CAPN13: variants seen among roughly 807,000 people sequenced by gnomAD.
CAPN13 encodes the protein calpain-13.
CAPN13 carries 90 observed loss-of-function variants against 98.4 expected under a neutral mutation model. The ratio of observed to expected loss-of-function variants is 0.92; its 90% CI spans 0.77 to 1.09. CAPN13 has a LOEUF of 1.09. Among genes scored for constraint, CAPN13 ranks in the 50% least tolerant of loss-of-function variants. The probability of loss-of-function intolerance (pLI) is 0.00; values close to 1 mark genes in which losing one functional copy is unlikely to be tolerated. For synonymous variants in CAPN13, 330 were observed against 305.5 expected, an observed-to-expected ratio of 1.08 and a Z score of -0.84; for missense variants, 887 against 841.3, an observed-to-expected ratio of 1.05 and a Z score of -0.67.
intron 17 of CAPN13, chr2:30,738,006 C>CACA: frequency 7.4e-6 from 4 of 539,178 alleles, no homozygotes; most frequent in Non-Finnish European, 1.0e-5. Flanking sequence ...CACACACACA[C>CACA]CCCAGTACAC....
chr2:30,738,216 G>T lies in CAPN13; in HGVS notation c.1653+19C>A. ...CTGAGGGGTGCTCAGAGCATGGGAG[G>T]GATGACCGCAAAGGATACTTCCATC... On this transcript the variant is annotated intron_variant, in intron 17 of 22. Coordinates refer to ENST00000295055, the MANE Select transcript of CAPN13 (RefSeq NM_144575.3). The T allele has an allele frequency of 1.2e-6, 2 of 1,613,768 alleles. No individual in the cohort carries two copies. Among genetic ancestry groups the T allele is most frequent in the Non-Finnish European group, 1.7e-6 (2 of 1,179,770 alleles).
intron 14 of CAPN13, 149 bp downstream of exon 14, chr2:30,742,176 AC>A: frequency 9.4e-7 from 1 of 1,066,202 alleles, no homozygotes; most frequent in Non-Finnish European, 1.4e-6. Flanking sequence ...TTCTCCCCCT[AC>A]CCCGCCCCTT....
chr2:30,755,705 T>C (rs1672408799), intron 8 of CAPN13, among the ~76,000 whole-genome samples: 1 of 152,192 alleles, frequency 6.6e-6, no homozygotes, highest in African/African-American at 2.4e-5. Flanking sequence ...GTCCCCTCTG[T>C]GCTAGGACAG....
intron 18 of CAPN13, 125 bp from the exon 19 acceptor site, chr2:30,734,649 G>C (rs984298471): frequency 4.1e-6 from 3 of 737,304 alleles, no homozygotes; most frequent in African/African-American, 3.5e-5. Context: ...CTGAGGACTG[G>C]GAGGACACAG....
chr2:30,757,763 C>T (rs541494506), intron 8 of CAPN13, among the ~76,000 whole-genome samples: 1 of 152,332 alleles, frequency 6.6e-6, no homozygotes, highest in South Asian at 2.1e-4. Context: ...TAGACTGTAA[C>T]CTTCTGGAGG....
chr2:30,795,248 A>G (rs552036276), intron 1 of CAPN13, among the ~76,000 whole-genome samples: 1 of 152,162 alleles, frequency 6.6e-6, no homozygotes, highest in African/African-American at 2.4e-5. Context: ...GTATCTCCTG[A>G]TAAACATGCA....
rs2609915 is a variant in CAPN13, at chr2:30,740,315, G to A, written c.1536+1593C>T. Among the ~76,000 whole-genome samples, 280 of 152,124 alleles carry A rather than the reference G, an allele frequency of 1.8e-3. 2 individuals are homozygous for A. Among genetic ancestry groups the A allele is most frequent in the African/African-American group, 6.5e-3 (268 of 41,510 alleles). ...TCACCATGCTGGCCAGGCTGGTCTC[G>A]AATTCCTGACCTCCCGATCCACCTG... is the stretch of plus-strand genomic sequence containing the variant. On this transcript the variant is annotated intron_variant, in intron 15 of 22. Transcript: ENST00000295055.
chr2:30,775,682 G>A (rs527544129), intron 4 of CAPN13, among the ~76,000 whole-genome samples: 8 of 152,288 alleles, frequency 5.3e-5, no homozygotes, highest in South Asian at 4.1e-4. Flanking sequence ...CAGGGTTCTC[G>A]ATCAGTGACT....
intron 4 of CAPN13, among the ~76,000 whole-genome samples, chr2:30,774,611 C>T (rs118190154): frequency 2.6e-5 from 4 of 152,078 alleles, no homozygotes; most frequent in East Asian, 3.9e-4. Context: ...GAATTAACTT[C>T]GGTAGAAATA....
chr2:30,771,934 CTT>C (rs968596348), intron 4 of CAPN13, among the ~76,000 whole-genome samples: 4 of 152,220 alleles, frequency 2.6e-5, no homozygotes, highest in African/African-American at 9.7e-5. Flanking sequence ...AGTAGAGACT[CTT>C]TGTCAGTGGC....
At chr2:30,743,899 T>A (rs1434393879) in intron 12 of CAPN13, among the ~76,000 whole-genome samples, 1 of 152,220 alleles carries the variant, frequency 6.6e-6, no homozygotes, top group African/African-American at 2.4e-5. Flanking sequence ...ACTAGTGACA[T>A]CATTTTGACA....
chr2:30,759,822 C>A (rs567395787), intron 7 of CAPN13, among the ~76,000 whole-genome samples: 7 of 152,282 alleles, frequency 4.6e-5, no homozygotes, highest in Admixed American at 4.6e-4. Flanking sequence ...TTGGCCTCGA[C>A]TGTGACCCTT....
intron 2 of CAPN13, among the ~76,000 whole-genome samples, chr2:30,784,594 T>C (rs1674162318): frequency 6.6e-6 from 1 of 152,180 alleles, no homozygotes; most frequent in South Asian, 2.1e-4. Context: ...AAGATTCTAC[T>C]AGTGCAAAAA....
At chr2:30,758,819 C>CCCTTCCTTCCTCCCTT (rs1672625296) in intron 7 of CAPN13, among the ~76,000 whole-genome samples, 2 of 83,302 alleles carry the variant, frequency 2.4e-5, no homozygotes, top group African/African-American at 1.1e-4. Flanking sequence ...TTCCCTTCCT[C>CCCTTCCTTCCTCCCTT]CCTTCCTTCC....
At chr2:30,769,712 C>T (rs1020169058) in intron 5 of CAPN13, among the ~76,000 whole-genome samples, 1 of 152,312 alleles carries the variant, frequency 6.6e-6, no homozygotes, top group African/African-American at 2.4e-5. Flanking sequence ...TTGTCAGCAC[C>T]TAAAGGCAGT....
chr2:30,796,241 CAT>C (rs551265179), intron 1 of CAPN13, among the ~76,000 whole-genome samples: 8 of 131,882 alleles, frequency 6.1e-5, no homozygotes, highest in Non-Finnish European at 9.1e-5. Context: ...TATATGTGTG[CAT>C]ATATATATAC....
intron 4 of CAPN13, among the ~76,000 whole-genome samples, chr2:30,772,338 T>C (rs1217877468): frequency 6.6e-6 from 1 of 152,196 alleles, no homozygotes; most frequent in Non-Finnish European, 1.5e-5. Flanking sequence ...TGAGGTGACC[T>C]GGGCACTGGG....
intron 19 of CAPN13, among the ~76,000 whole-genome samples, chr2:30,733,356 G>C (rs1464106366): frequency 6.6e-6 from 1 of 152,142 alleles, no homozygotes; most frequent in Non-Finnish European, 1.5e-5. Context: ...CCTGTTTTCT[G>C]ACTGTGAGCT....
At chr2:30,747,615 T>C (rs1671976800) in intron 11 of CAPN13, among the ~76,000 whole-genome samples, 1 of 152,184 alleles carries the variant, frequency 6.6e-6, no homozygotes, top group African/African-American at 2.4e-5. Flanking sequence ...AGCAGAGCAG[T>C]GCTCCCACAG....
Sources: gnomAD v4.1 joint callset for allele counts (sites outside exome capture counted in the v4.1 genomes callset) on GRCh38, gnomAD v4.1.1 for gene constraint, MANE v1.5 for transcripts, NCBI Gene and HGNC (gene_info 2026-07-23, HGNC 2026-07-21) for gene names.